ARHGAP15: variants seen among roughly 807,000 people sequenced by gnomAD.
ARHGAP15 encodes Rho GTPase activating protein 15, also known as rho GTPase-activating protein 15.
ARHGAP15 carries 51 observed loss-of-function variants against 63.7 expected under a neutral mutation model. That is an observed-to-expected ratio of 0.80 (90% CI 0.64 to 1.01). The LOEUF is 1.01. Ranked by LOEUF, ARHGAP15 falls within the 50% of genes least tolerant of loss-of-function variation. The probability of loss-of-function intolerance (pLI) is 0.00; values close to 1 mark genes in which losing one functional copy is unlikely to be tolerated. For synonymous variants in ARHGAP15, 191 were observed against 193.8 expected (o/e 0.99, Z 0.12); for missense variants, 560 against 564.6 (o/e 0.99, Z 0.08).
At chr2:143,703,908 G>A (rs1684206378) in intron 13 of ARHGAP15, 1 of 154,250 alleles carries the variant, frequency 6.5e-6, no homozygotes, top group South Asian at 2.0e-4. Context: ...CCACAAATAA[G>A]TTACTTAAAC....
chr2:143,241,477 T>C (rs145589755), intron 5 of ARHGAP15, among the ~76,000 whole-genome samples: 9 of 152,248 alleles, frequency 5.9e-5, no homozygotes, highest in African/African-American at 2.2e-4. Context: ...CATGAAGCAA[T>C]AGAGTATAGT....
intron 4 of ARHGAP15, among the ~76,000 whole-genome samples, chr2:143,222,889 C>T (rs909100749): frequency 1.3e-5 from 2 of 152,156 alleles, no homozygotes; most frequent in Non-Finnish European, 2.9e-5. Context: ...GTTCTCCCTA[C>T]TTCCCAATTG....
chr2:143,519,822 C>T (rs1003379354), intron 10 of ARHGAP15, among the ~76,000 whole-genome samples: 20 of 152,252 alleles, frequency 1.3e-4, no homozygotes, highest in East Asian at 3.9e-4. Flanking sequence ...GTACAGAATA[C>T]GCTAACGGGT....
chr2:143,436,232 A>C (rs2105091509), intron 7 of ARHGAP15, among the ~76,000 whole-genome samples: 1 of 152,260 alleles, frequency 6.6e-6, no homozygotes, highest in African/African-American at 2.4e-5. Flanking sequence ...ACTTATTTAA[A>C]ACCACTCATT....
intron 12 of ARHGAP15, among the ~76,000 whole-genome samples, chr2:143,658,602 TG>T (rs1469729959): frequency 2.0e-5 from 3 of 152,144 alleles, no homozygotes; most frequent in African/African-American, 7.2e-5. Flanking sequence ...TTTGTTCATA[TG>T]GGGATTCAAA....
intron 12 of ARHGAP15, among the ~76,000 whole-genome samples, chr2:143,693,912 G>A (rs779944827): frequency 3.3e-5 from 5 of 152,150 alleles, no homozygotes; most frequent in African/African-American, 4.8e-5. Context: ...TTCAAATCAA[G>A]CATAAGAAAT....
At chr2:143,684,630 C>T (rs1050117382) in intron 12 of ARHGAP15, among the ~76,000 whole-genome samples, 1 of 152,156 alleles carries the variant, frequency 6.6e-6, no homozygotes, top group East Asian at 1.9e-4. Context: ...CAAAAAACCC[C>T]GAGCAGCTTA....
At chr2:143,686,965 A>G (rs1683379456) in intron 12 of ARHGAP15, among the ~76,000 whole-genome samples, 1 of 152,168 alleles carries the variant, frequency 6.6e-6, no homozygotes, top group South Asian at 2.1e-4. Flanking sequence ...TCTAAAGAAT[A>G]TTTTCTCAGC....
At chr2:143,728,240 G>A (rs1372851537) in intron 13 of ARHGAP15, among the ~76,000 whole-genome samples, 4 of 152,124 alleles carry the variant, frequency 2.6e-5, no homozygotes, top group African/African-American at 4.8e-5. Context: ...TTACTTTTGT[G>A]CTTTTTTTCC....
At chr2:143,573,782 A>C (rs1365470128) in intron 11 of ARHGAP15, among the ~76,000 whole-genome samples, 10 of 152,014 alleles carry the variant, frequency 6.6e-5, no homozygotes. Flanking sequence ...TTGGAGGTGC[A>C]CTCTTCCTTT....
intron 13 of ARHGAP15, among the ~76,000 whole-genome samples, chr2:143,752,169 AC>A (rs1686401907): frequency 6.6e-6 from 1 of 152,108 alleles, no homozygotes; most frequent in African/African-American, 2.4e-5. Context: ...ATTAAGCCCC[AC>A]CAGCTGGCCT....
At chr2:143,333,160 GGA>G (rs1372973758) in intron 6 of ARHGAP15, among the ~76,000 whole-genome samples, 1 of 152,122 alleles carries the variant, frequency 6.6e-6, no homozygotes, top group Non-Finnish European at 1.5e-5. Context: ...GGAGTAAGCA[GGA>G]GAGAGAGAAA....
At chr2:143,331,144 T>A (rs1254070712) in intron 6 of ARHGAP15, among the ~76,000 whole-genome samples, 2 of 152,196 alleles carry the variant, frequency 1.3e-5, no homozygotes. Context: ...AAACCAGAGT[T>A]GTCTTTTACT....
chr2:143,610,188 T>TA lies in ARHGAP15; in HGVS notation c.1004-13945_1004-13944insA, dbSNP rs1698198467. ...ATGATGGAATTAGAAAACTTAGTGTTTAAAATGTATGGTGAAGGTGTGTTC... is the reference window on the plus strand; with the variant it reads ...ATGATGGAATTAGAAAACTTAGTGTTATAAAATGTATGGTGAAGGTGTGTTC... On this transcript the variant is annotated intron_variant, in intron 11 of 13. Coordinates refer to ENST00000295095, the MANE Select transcript of ARHGAP15 (RefSeq NM_018460.4). Among the ~76,000 whole-genome samples the TA allele has an allele frequency of 3.9e-5, 6 of 152,194 alleles. 1 individual carries two copies. The South Asian group carries it at 1.2e-3, about 32-fold the overall frequency.
At chr2:143,547,532 C>T (rs115496213) in intron 10 of ARHGAP15, among the ~76,000 whole-genome samples, 1,631 of 150,652 alleles carry the variant, frequency 0.011, 28 homozygotes, top group African/African-American at 0.038. Context: ...GCCTATACTT[C>T]CGGATTCCAA....
chr2:143,268,315 T>A (rs1681100765), intron 6 of ARHGAP15, among the ~76,000 whole-genome samples: 1 of 152,086 alleles, frequency 6.6e-6, no homozygotes, highest in African/African-American at 2.4e-5. Context: ...CTGCCACTCC[T>A]GGGAAATATT....
At chr2:143,206,357 T>C (rs775820533) in intron 3 of ARHGAP15, among the ~76,000 whole-genome samples, 1 of 152,198 alleles carries the variant, frequency 6.6e-6, no homozygotes, top group African/African-American at 2.4e-5. Context: ...AATTAAAAGT[T>C]TATTAAAACA....
At chr2:143,237,170 A>C (rs1027669982) in intron 5 of ARHGAP15, 3 of 152,164 alleles carry the variant, frequency 2.0e-5, no homozygotes, top group Admixed American at 1.3e-4. Context: ...TATATATATC[A>C]GTTGTCTATA....
chr2:143,651,695 G>C (rs190350767), intron 12 of ARHGAP15, among the ~76,000 whole-genome samples: 1 of 152,086 alleles, frequency 6.6e-6, no homozygotes, highest in East Asian at 1.9e-4. Flanking sequence ...CAGTATAGGA[G>C]ATATGCATTT....
Sources: gnomAD v4.1 joint callset for allele counts (sites outside exome capture counted in the v4.1 genomes callset) on GRCh38, gnomAD v4.1.1 for gene constraint, MANE v1.5 for transcripts, NCBI Gene and HGNC (gene_info 2026-07-23, HGNC 2026-07-21) for gene names.